Variants in RPS6KA5 observed in about 807,000 individuals in gnomAD.
RPS6KA5 encodes the protein ribosomal protein S6 kinase alpha-5.
RPS6KA5 carries 27 observed loss-of-function variants against 85.5 expected under a neutral mutation model. That is an observed-to-expected ratio of 0.32 (90% CI 0.23 to 0.44). The LOEUF is 0.44. RPS6KA5 is among the 20% of genes least tolerant of loss of function. The pLI, the probability that RPS6KA5 is intolerant of heterozygous loss-of-function variation, is 1.00. For missense variants in RPS6KA5, 811 were observed against 980.9 expected (o/e 0.83, Z 2.31); for synonymous variants, 334 against 348.2 (o/e 0.96, Z 0.46).
intron 7 of RPS6KA5, among the ~76,000 whole-genome samples, chr14:90,914,309 GTT>G (rs10658805): frequency 1.2e-5 from 1 of 81,520 alleles, no homozygotes; most frequent in Non-Finnish European, 2.2e-5. Context: ...GATCCCTAGG[GTT>G]TTTTTTTTTT....
At chr14:90,963,989 C>T (rs1273033020) in intron 3 of RPS6KA5, among the ~76,000 whole-genome samples, 3 of 152,066 alleles carry the variant, frequency 2.0e-5, no homozygotes, top group African/African-American at 4.8e-5. Context: ...TAGAATATAT[C>T]CTCTTCAAGT....
At chr14:90,966,319 A>C (rs368180436) in intron 3 of RPS6KA5, among the ~76,000 whole-genome samples, 58 of 152,340 alleles carry the variant, frequency 3.8e-4, no homozygotes, top group African/African-American at 1.3e-3. Flanking sequence ...GGGCTGCTAG[A>C]GAAGCAACAT....
chr14:90,913,171 A>G (rs2035925078), intron 7 of RPS6KA5, among the ~76,000 whole-genome samples: 1 of 151,930 alleles, frequency 6.6e-6, no homozygotes, highest in Admixed American at 6.6e-5. Context: ...TTAGCCTCCC[A>G]AAGTGCCAGG....
chr14:90,886,281 T>A (rs1307228338), intron 14 of RPS6KA5, among the ~76,000 whole-genome samples: 1 of 152,070 alleles, frequency 6.6e-6, no homozygotes, highest in Non-Finnish European at 1.5e-5. Flanking sequence ...GGGAAAAAAA[T>A]TAAAAAATAA....
intron 3 of RPS6KA5, among the ~76,000 whole-genome samples, chr14:90,961,427 C>T (rs2038789356): frequency 6.6e-6 from 1 of 152,086 alleles, no homozygotes; most frequent in South Asian, 2.1e-4. Context: ...TTGGCTTTCC[C>T]GCTGCTTTTG....
Position 90,899,392 on chromosome 14 carries a change from T to C in RPS6KA5, c.1410A>G (p.Thr470=). 1 of 1,613,588 alleles carries C rather than the reference T, an allele frequency of 6.2e-7. No homozygotes were observed. Among genetic ancestry groups the C allele is most frequent in the South Asian group, 1.1e-5 (1 of 91,026 alleles). ...GGTGTCCTTCACAGAGTTTCAGAGC[T>C]GTTATTTCCTTTTGAGTATTGGCTT... ...RMEANTQKEI[T]ALKLCEGHPN... Residue 470 remains threonine, a synonymous_variant, in exon 12 of 17, where the codon ACA becomes ACG. Transcript: ENST00000614987.
intron 14 of RPS6KA5, among the ~76,000 whole-genome samples, chr14:90,882,292 GTTGT>G (rs1176501643): frequency 2.6e-5 from 4 of 152,038 alleles, no homozygotes; most frequent in Non-Finnish European, 5.9e-5. Context: ...ACTTCTTTTG[GTTGT>G]TTATGTTACA....
intron 1 of RPS6KA5, among the ~76,000 whole-genome samples, chr14:91,026,095 T>A (rs1469961575): frequency 6.6e-6 from 1 of 152,222 alleles, no homozygotes; most frequent in Non-Finnish European, 1.5e-5. Context: ...TAGGTTTAGA[T>A]GTTAATTCTG....
At chr14:91,032,183 A>G (rs1416115909) in intron 1 of RPS6KA5, among the ~76,000 whole-genome samples, 2 of 152,198 alleles carry the variant, frequency 1.3e-5, no homozygotes, top group African/African-American at 4.8e-5. Context: ...AGAAAAGTCT[A>G]GTAAAGAGGA....
At chr14:90,988,541 G>C (rs986196608) in intron 2 of RPS6KA5, among the ~76,000 whole-genome samples, 1 of 152,218 alleles carries the variant, frequency 6.6e-6, no homozygotes, top group Non-Finnish European at 1.5e-5. Context: ...AAGAGGCTGG[G>C]CATGGTGGCT....
chr14:90,851,806 G>A lies in RPS6KA5; in HGVS notation c.*20268C>T, dbSNP rs1190077484. ...CTGAATGGTTTTTACTAATAAAGCT[G>A]GGCACAGGCCAAGGCAGACATGAAT... On this transcript the variant is annotated 3_prime_UTR_variant, in exon 17 of 17. Transcript: ENST00000614987. 6 of 152,110 alleles carry A rather than the reference G, an allele frequency of 3.9e-5. No homozygotes were observed. Among genetic ancestry groups the A allele is most frequent in the African/African-American group, 1.4e-4 (6 of 41,410 alleles). The allele number at this position is 152,110 out of a possible 1,614,324, so 9.4% of individuals were successfully genotyped here. A position where few individuals can be genotyped will look rare whatever the true frequency, so the allele number is the denominator to read the frequency against.
At chr14:91,016,694 G>A (rs996133911) in intron 1 of RPS6KA5, among the ~76,000 whole-genome samples, 1 of 151,974 alleles carries the variant, frequency 6.6e-6, no homozygotes, top group African/African-American at 2.4e-5. Context: ...GTATACACTC[G>A]GTTCTTCGCT....
chr14:90,934,817 G>GA (rs936043072), intron 5 of RPS6KA5, among the ~76,000 whole-genome samples: 3 of 152,012 alleles, frequency 2.0e-5, no homozygotes, highest in African/African-American at 4.8e-5. Flanking sequence ...ATATCTGGGG[G>GA]AAAAAAATCT....
intron 8 of RPS6KA5, among the ~76,000 whole-genome samples, chr14:90,905,074 A>G (rs2035427215): frequency 6.6e-6 from 1 of 152,198 alleles, no homozygotes; most frequent in African/African-American, 2.4e-5. Flanking sequence ...CTTTTATTCT[A>G]AATGTATTTC....
chr14:91,011,078 T>G (rs1168032848), intron 1 of RPS6KA5, among the ~76,000 whole-genome samples: 1 of 152,124 alleles, frequency 6.6e-6, no homozygotes, highest in Non-Finnish European at 1.5e-5. Flanking sequence ...CTATGCAAAG[T>G]CACCTTACGA....
intron 3 of RPS6KA5, among the ~76,000 whole-genome samples, chr14:90,962,930 A>C (rs2038881686): frequency 6.6e-6 from 1 of 152,228 alleles, no homozygotes; most frequent in African/African-American, 2.4e-5. Context: ...TCCTGCATAT[A>C]ACCACAGTAT....
At chr14:90,954,111 G>A (rs183735496) in intron 3 of RPS6KA5, among the ~76,000 whole-genome samples, 1 of 152,302 alleles carries the variant, frequency 6.6e-6, no homozygotes, top group East Asian at 1.9e-4. Flanking sequence ...AGGCCCAGCT[G>A]TAAAATTCCT....
intron 3 of RPS6KA5, among the ~76,000 whole-genome samples, chr14:90,974,216 T>TA (rs2039461487): frequency 6.6e-6 from 1 of 152,070 alleles, no homozygotes; most frequent in South Asian, 2.1e-4. Context: ...TAACATGAAA[T>TA]ACATAACATC....
At chr14:90,897,876 G>T (rs1298653830) in intron 12 of RPS6KA5, among the ~76,000 whole-genome samples, 2 of 152,152 alleles carry the variant, frequency 1.3e-5, no homozygotes, top group Non-Finnish European at 2.9e-5. Flanking sequence ...TCTTCAACAG[G>T]AGACTGTCTA....
Sources: gnomAD v4.1 joint callset for allele counts (sites outside exome capture counted in the v4.1 genomes callset) on GRCh38, gnomAD v4.1.1 for gene constraint, MANE v1.5 for transcripts, NCBI Gene and HGNC (gene_info 2026-07-23, HGNC 2026-07-21) for gene names.